ZNF827: variants seen among roughly 807,000 people sequenced by gnomAD.
ZNF827 encodes zinc finger protein 827.
ZNF827 carries 13 observed loss-of-function variants against 102.4 expected under a neutral mutation model. That is an observed-to-expected ratio of 0.13 (90% CI 0.08 to 0.20). The LOEUF is 0.20. ZNF827 is among the 10% of genes least tolerant of loss of function. The pLI is 1.00. For missense variants in ZNF827, 1,103 were observed against 1,344.4 expected (o/e 0.82, Z 2.81); for synonymous variants, 523 against 536.2 (o/e 0.98, Z 0.34).
intron 8 of ZNF827, among the ~76,000 whole-genome samples, chr4:145,791,700 G>A (rs532999795): frequency 1.3e-5 from 2 of 152,164 alleles, no homozygotes; most frequent in Admixed American, 6.5e-5. Context: ...TTATACATAC[G>A]AATAGCTAAG....
At chr4:145,923,643 G>A (rs1057284392) in intron 1 of ZNF827, among the ~76,000 whole-genome samples, 4 of 152,020 alleles carry the variant, frequency 2.6e-5, no homozygotes, top group East Asian at 1.9e-4. Flanking sequence ...GGAGACTCTC[G>A]TTGTCTTCTG....
chr4:145,803,154 C>T (rs1741081178), intron 8 of ZNF827, among the ~76,000 whole-genome samples: 1 of 152,150 alleles, frequency 6.6e-6, no homozygotes, highest in African/African-American at 2.4e-5. Context: ...TTAACACACA[C>T]ATATGCATAC....
intron 8 of ZNF827, 41 bp downstream of exon 8, chr4:145,823,381 A>G (rs748415882): frequency 6.7e-7 from 1 of 1,502,144 alleles, no homozygotes; most frequent in Non-Finnish European, 9.3e-7. Context: ...GTAATTCTTA[A>G]GCAATCAACA....
chr4:145,879,461 A>G (rs1266850953), intron 4 of ZNF827, among the ~76,000 whole-genome samples: 1 of 152,128 alleles, frequency 6.6e-6, no homozygotes, highest in Non-Finnish European at 1.5e-5. Flanking sequence ...TACAGATACA[A>G]TAGGCTTTGG....
chr4:145,786,955 C>T (rs1196325583), intron 8 of ZNF827, among the ~76,000 whole-genome samples: 1 of 152,182 alleles, frequency 6.6e-6, no homozygotes, highest in Admixed American at 6.5e-5. Flanking sequence ...GCACTGGTGA[C>T]CTGTCCCATC....
chr4:145,773,542 T>G (rs1361204138), intron 11 of ZNF827, among the ~76,000 whole-genome samples: 1 of 152,244 alleles, frequency 6.6e-6, no homozygotes, highest in African/African-American at 2.4e-5. Flanking sequence ...TCTTAATTTG[T>G]AAGCCCCGCA....
At chr4:145,849,258 T>A in intron 6 of ZNF827, 64 bp downstream of exon 6, 1 of 1,526,888 alleles carries the variant, frequency 6.5e-7, no homozygotes, top group South Asian at 1.3e-5. Flanking sequence ...TAAAAAAAAC[T>A]GTGTTAGAAG....
chr4:145,836,221 C>T (rs568478182), intron 7 of ZNF827, among the ~76,000 whole-genome samples: 207 of 149,160 alleles, frequency 1.4e-3, no homozygotes, highest in African/African-American at 4.8e-3. Context: ...CCCTGCCAAT[C>T]GTGTCCAACT....
chr4:145,774,786 T>G, intron 10 of ZNF827, 114 bp from the exon 11 acceptor site: 2 of 1,199,938 alleles, frequency 1.7e-6, no homozygotes, highest in Non-Finnish European at 2.3e-6. Context: ...TTGAAACACA[T>G]TTGTCTCTCC....
intron 2 of ZNF827, among the ~76,000 whole-genome samples, chr4:145,900,696 C>G (rs1561057176): frequency 1.3e-5 from 2 of 152,176 alleles, no homozygotes; most frequent in Non-Finnish European, 2.9e-5. Flanking sequence ...AGGTGTGAGC[C>G]ACTGCGCCCG....
At chr4:145,852,726 G>C (rs1163856747) in intron 5 of ZNF827, among the ~76,000 whole-genome samples, 1 of 152,132 alleles carries the variant, frequency 6.6e-6, no homozygotes, top group African/African-American at 2.4e-5. Flanking sequence ...CTACCCACTA[G>C]ATACCAGTAG....
At chr4:145,836,508 G>A (rs1259591568) in intron 7 of ZNF827, among the ~76,000 whole-genome samples, 16 of 152,188 alleles carry the variant, frequency 1.1e-4, no homozygotes, top group East Asian at 7.7e-4. Context: ...CATACCTGAC[G>A]CATATACTTT....
rs1187082232 is a variant in ZNF827 at position 145,870,350 on chromosome 4, G to A, written c.1876C>T (p.Pro626Ser). Residue 626 changes from proline to serine, a missense_variant, in exon 5 of 15, where the codon CCA (proline) becomes TCA (serine). By Grantham distance (74) the Pro-to-Ser change is moderately conservative (BLOSUM62 -1). This residue lies in a region of ZNF827 where 243 missense variants were observed against 251.6 expected (regional missense o/e 0.97). Transcript: ENST00000508784. ...VFSPESEVSA[P>S]GVSEDALKPQ... ...TTTAGTGCGTCCTCAGAGACGCCTG[G>A]GGCTGACACTTCAGATTCCGGGCTG... is the stretch of plus-strand genomic sequence containing the variant. 1 of 1,614,092 alleles carries A rather than the reference G, an allele frequency of 6.2e-7. No homozygotes were observed. Among genetic ancestry groups the A allele is most frequent in the Non-Finnish European group, 8.5e-7 (1 of 1,180,004 alleles).
intron 6 of ZNF827, among the ~76,000 whole-genome samples, chr4:145,846,501 C>A (rs1745963418): frequency 1.4e-5 from 2 of 142,130 alleles, no homozygotes; most frequent in South Asian, 4.8e-4. Context: ...AACAAAAAAA[C>A]ACAACAACAA....
At chr4:145,915,404 G>A (rs984554482) in intron 1 of ZNF827, among the ~76,000 whole-genome samples, 5 of 151,848 alleles carry the variant, frequency 3.3e-5, no homozygotes, top group African/African-American at 7.3e-5. Context: ...CTGAGATGGC[G>A]CCATTGCACT....
chr4:145,802,203 A>G (rs1203870729), intron 8 of ZNF827, among the ~76,000 whole-genome samples: 3 of 152,214 alleles, frequency 2.0e-5, no homozygotes, highest in Non-Finnish European at 2.9e-5. Flanking sequence ...TCACTTTATC[A>G]TTACTTTAAG....
chr4:145,891,828 TC>T (rs1750629517), intron 3 of ZNF827, among the ~76,000 whole-genome samples: 1 of 152,144 alleles, frequency 6.6e-6, no homozygotes, highest in East Asian at 1.9e-4. Context: ...GGGCAGTCTC[TC>T]CAGGAAGGGG....
intron 7 of ZNF827, among the ~76,000 whole-genome samples, chr4:145,834,008 A>T (rs1301113617): frequency 6.7e-6 from 1 of 149,622 alleles, no homozygotes; most frequent in Non-Finnish European, 1.5e-5. Context: ...GCAACCTTCC[A>T]CCCTCCATTC....
In ZNF827 at chr4:145,788,362, C is replaced by T. The variant is rs545946722; in HGVS notation, c.2384-8851G>A. On this transcript the variant is annotated intron_variant, in intron 8 of 14. Transcript: ENST00000508784. ...TTCCAGTGAGGCTGATCACATAGAA[C>T]TTGAGCACCATAGGGACCTTCTCTA... 2.6e-5 allele frequency among the ~76,000 whole-genome samples: 4 copies of T among 152,280 alleles called. No individual in the cohort carries two copies. In the South Asian group the frequency reaches 8.3e-4, roughly 32 times the overall value.
Sources: gnomAD v4.1 joint callset for allele counts (sites outside exome capture counted in the v4.1 genomes callset) on GRCh38, gnomAD v4.1.1 for gene constraint, gnomAD v4.1.1 regional missense constraint, MANE v1.5 for transcripts, NCBI Gene and HGNC (gene_info 2026-07-23, HGNC 2026-07-21) for gene names.